CCDC85A: variants seen among roughly 807,000 people sequenced by gnomAD.
CCDC85A encodes coiled-coil domain containing 85A.
CCDC85A carries 38 observed loss-of-function variants against 50.2 expected under a neutral mutation model. The ratio of observed to expected loss-of-function variants is 0.76; its 90% CI spans 0.58 to 0.99. The LOEUF is 0.99. Ranked by LOEUF, CCDC85A falls within the 50% of genes least tolerant of loss-of-function variation. CCDC85A has a pLI of 0.00. For missense variants in CCDC85A, 820 were observed against 742.0 expected (o/e 1.11, Z -1.22); for synonymous variants, 366 against 301.4 (o/e 1.21, Z -2.22).
chr2:56,357,273 A>G (rs1018334882), intron 3 of CCDC85A, among the ~76,000 whole-genome samples: 3 of 152,124 alleles, frequency 2.0e-5, no homozygotes, highest in African/African-American at 7.2e-5. Context: ...CTGCCCCTCA[A>G]ATGTTCACTT....
At chr2:56,237,202 T>C (rs1174179912) in intron 2 of CCDC85A, among the ~76,000 whole-genome samples, 4 of 152,144 alleles carry the variant, frequency 2.6e-5, no homozygotes, top group Non-Finnish European at 5.9e-5. Context: ...CACTCAGATA[T>C]AGCTCATTCA....
chr2:56,342,930 A>T lies in CCDC85A; in HGVS notation c.1292A>T (p.Glu431Val), dbSNP rs981053176. Residue 431 changes from glutamate to valine, a missense_variant, in exon 3 of 6, where the codon GAG (glutamate) becomes GTG (valine). Physicochemically the swap from Glu to Val is moderately radical, Grantham distance 121. Coordinates refer to ENST00000407595, the MANE Select transcript of CCDC85A (RefSeq NM_001080433.2). ...CTGGAGGCAAGAGTAAGACAGCTGGAGGAAGAAAATCGCATGCTGCCCCAG... is the reference window on the plus strand; with the variant it reads ...CTGGAGGCAAGAGTAAGACAGCTGGTGGAAGAAAATCGCATGCTGCCCCAG... The part of the protein sequence containing the change: ...RQLEARVRQL[E>V]EENRMLPQAS... 3 of 1,598,238 alleles carry T rather than the reference A, an allele frequency of 1.9e-6. No homozygotes were observed. The African/African-American group carries it at 4.0e-5, about 21-fold the overall frequency.
intron 2 of CCDC85A, among the ~76,000 whole-genome samples, chr2:56,316,291 G>C (rs1672917792): frequency 6.6e-6 from 1 of 152,020 alleles, no homozygotes; most frequent in Non-Finnish European, 1.5e-5. Flanking sequence ...TCTCCTATAA[G>C]CTATTCTTGC....
intron 2 of CCDC85A, among the ~76,000 whole-genome samples, chr2:56,283,356 T>C (rs1315587072): frequency 6.6e-6 from 1 of 152,230 alleles, no homozygotes; most frequent in African/African-American, 2.4e-5. Flanking sequence ...TCAAATTTTT[T>C]GGTGACTGTG....
intron 2 of CCDC85A, among the ~76,000 whole-genome samples, chr2:56,281,262 A>G (rs1261125157): frequency 6.6e-6 from 1 of 152,116 alleles, no homozygotes; most frequent in African/African-American, 2.4e-5. Flanking sequence ...TGTTGCATGT[A>G]TTATCTGTTC....
chr2:56,273,792 A>G (rs1670802721), intron 2 of CCDC85A, among the ~76,000 whole-genome samples: 1 of 152,014 alleles, frequency 6.6e-6, no homozygotes, highest in South Asian at 2.1e-4. Context: ...ACATGGGGTA[A>G]CTGTGAGGAG....
At chr2:56,266,634 A>G (rs536638973) in intron 2 of CCDC85A, among the ~76,000 whole-genome samples, 2 of 128,730 alleles carry the variant, frequency 1.6e-5, no homozygotes, top group Non-Finnish European at 3.2e-5. Flanking sequence ...ATTTATGTGA[A>G]ATGAATTGAA....
intron 2 of CCDC85A, among the ~76,000 whole-genome samples, chr2:56,292,151 C>T (rs1311619069): frequency 2.6e-5 from 4 of 152,144 alleles, no homozygotes; most frequent in African/African-American, 9.7e-5. Context: ...GGCGCCATCT[C>T]AGCTCACTGT....
In CCDC85A at chr2:56,300,254, A is replaced by T. The variant is rs144413507; in HGVS notation, c.1241-42625A>T. Among the ~76,000 whole-genome samples, 614 of 152,308 alleles carry T rather than the reference A, an allele frequency of 4.0e-3. 1 individual carries two copies. The highest frequency in any genetic ancestry group is 6.8e-3 in the Non-Finnish European group (463 of 68,030). ...TGGACTTTAGTATCTAGACCATAAG[A>T]TGATCCTTAAGGGTAAATACCATGT... On this transcript the variant is annotated intron_variant, in intron 2 of 5. Coordinates refer to ENST00000407595, the MANE Select transcript of CCDC85A (RefSeq NM_001080433.2).
intron 2 of CCDC85A, among the ~76,000 whole-genome samples, chr2:56,290,345 G>A (rs1671646625): frequency 6.6e-6 from 1 of 151,828 alleles, no homozygotes; most frequent in South Asian, 2.1e-4. Context: ...TTGGTTGGAG[G>A]GGCCCTATGA....
rs1572990153 is a variant in CCDC85A at position 56,184,734 on chromosome 2, C to G, written c.110C>G (p.Ser37Cys). 1 of 1,542,486 alleles carries G rather than the reference C, an allele frequency of 6.5e-7. No homozygotes were observed. Among genetic ancestry groups the G allele is most frequent in the Non-Finnish European group, 8.7e-7 (1 of 1,145,202 alleles). ...CCGCCCGCGCCGGTGGAGGACCTGT[C>G]CAAAGTGTCGGACGAGGAGCTGCTG... is the stretch of plus-strand genomic sequence containing the variant. ...AAPPAPVEDL[S>C]KVSDEELLQW... The change falls in exon 1 of 6, where the codon TCC becomes TGC. Residue 37 changes from serine (S) to cysteine (C), a missense_variant. Coordinates refer to ENST00000407595, the MANE Select transcript of CCDC85A (RefSeq NM_001080433.2).
At chr2:56,334,416 A>T (rs555780817) in intron 2 of CCDC85A, among the ~76,000 whole-genome samples, 3 of 152,240 alleles carry the variant, frequency 2.0e-5, no homozygotes, top group Admixed American at 6.5e-5. Context: ...AAATATTTTC[A>T]TATAGCATTT....
intron 2 of CCDC85A, among the ~76,000 whole-genome samples, chr2:56,285,334 C>T (rs1046795999): frequency 4.6e-5 from 7 of 150,776 alleles, no homozygotes; most frequent in African/African-American, 1.2e-4. Flanking sequence ...GAACTCCTGA[C>T]GTTAAGTGAT....
At chr2:56,245,492 T>C (rs1371625531) in intron 2 of CCDC85A, among the ~76,000 whole-genome samples, 1 of 152,236 alleles carries the variant, frequency 6.6e-6, no homozygotes, top group Admixed American at 6.5e-5. Flanking sequence ...CTTTCAGTGA[T>C]ATTAAGTTAA....
chr2:56,228,078 T>A (rs1558594679), intron 2 of CCDC85A, among the ~76,000 whole-genome samples: 1 of 152,178 alleles, frequency 6.6e-6, no homozygotes, highest in Non-Finnish European at 1.5e-5. Flanking sequence ...AGACTAACAT[T>A]CCCTCATTGG....
chr2:56,322,947 T>A (rs991939333), intron 2 of CCDC85A, among the ~76,000 whole-genome samples: 2 of 152,150 alleles, frequency 1.3e-5, no homozygotes, highest in African/African-American at 4.8e-5. Flanking sequence ...ATATACACCA[T>A]GGAATACTAT....
chr2:56,261,104 T>G (rs184527922), intron 2 of CCDC85A, among the ~76,000 whole-genome samples: 1 of 152,286 alleles, frequency 6.6e-6, no homozygotes, highest in African/African-American at 2.4e-5. Flanking sequence ...CCCCAGGTGA[T>G]CTTGGGAAAT....
At chr2:56,376,452 A>G (rs1264426588) in intron 5 of CCDC85A, among the ~76,000 whole-genome samples, 1 of 152,204 alleles carries the variant, frequency 6.6e-6, no homozygotes, top group East Asian at 1.9e-4. Flanking sequence ...GCCCCGTTAT[A>G]GAATAATAGA....
chr2:56,270,077 T>C (rs1670633028), intron 2 of CCDC85A, among the ~76,000 whole-genome samples: 1 of 152,200 alleles, frequency 6.6e-6, no homozygotes, highest in African/African-American at 2.4e-5. Flanking sequence ...TTTCATTGCA[T>C]AAATTATTAA....
Sources: gnomAD v4.1 joint callset for allele counts (sites outside exome capture counted in the v4.1 genomes callset) on GRCh38, gnomAD v4.1.1 for gene constraint, MANE v1.5 for transcripts, NCBI Gene and HGNC (gene_info 2026-07-23, HGNC 2026-07-21) for gene names.